The following ZNF532 variants were observed in gnomAD, a reference collection of about 807,000 sequenced individuals.
ZNF532 encodes zinc finger protein 532.
Under a neutral mutation model 89.3 loss-of-function variants are expected in ZNF532, and 22 were observed. The observed-to-expected ratio is 0.25, with a 90% CI of 0.18 to 0.35. ZNF532 has a LOEUF of 0.35. Among genes scored for constraint, ZNF532 ranks in the 10% least tolerant of loss-of-function variants. The pLI is 1.00. For missense variants in ZNF532, 1,132 were observed against 1,643.4 expected (o/e 0.69, Z 5.38); for synonymous variants, 606 against 649.6 (o/e 0.93, Z 1.02).
chr18:58,974,402 G>A (rs1032830122), intron 7 of ZNF532, among the ~76,000 whole-genome samples: 1 of 152,040 alleles, frequency 6.6e-6, no homozygotes, highest in African/African-American at 2.4e-5. Flanking sequence ...GTAGCGGCAC[G>A]GCATCTTGTG....
At chr18:58,888,788 ATATATAT>A (rs1254639385) in intron 2 of ZNF532, among the ~76,000 whole-genome samples, 2,330 of 42,316 alleles carry the variant, frequency 0.055, 220 homozygotes, top group African/African-American at 0.17. Context: ...TATATATAAA[ATATATAT>A]AATTTATATA....
rs754530426 is a variant in ZNF532, at chr18:58,893,821, G to A, written c.-17-24450G>A. Among the ~76,000 whole-genome samples, 43 of 152,118 alleles carry A rather than the reference G, an allele frequency of 2.8e-4. 1 individual carries two copies. The highest frequency in any genetic ancestry group is 5.1e-4 in the Non-Finnish European group (35 of 68,032). The stretch of plus-strand genomic sequence containing the variant: ...TTTAAAGGTTTGCCTTTTGCTTCTC[G>A]TGGGTACAAGCCAGAGAGAGCAGTG... On this transcript the variant is annotated intron_variant, in intron 2 of 9. Transcript: ENST00000591808.
chr18:58,982,789 A>G (rs202125348), intron 9 of ZNF532, among the ~76,000 whole-genome samples: 4 of 152,064 alleles, frequency 2.6e-5, no homozygotes, highest in African/African-American at 7.2e-5. Context: ...TTAAAATGCA[A>G]TACTTCAAGT....
chr18:58,898,792 G>A (rs1034517930), intron 2 of ZNF532, among the ~76,000 whole-genome samples: 3 of 152,234 alleles, frequency 2.0e-5, no homozygotes, highest in Non-Finnish European at 2.9e-5. Context: ...AGCCTGTCCT[G>A]CCTAGACACC....
intron 6 of ZNF532, chr18:58,953,310 A>G (rs570782266): frequency 5.0e-5 from 24 of 481,180 alleles, no homozygotes; most frequent in African/African-American, 2.9e-4. Flanking sequence ...TTTAAAAAGC[A>G]TTTGGAAAGA....
chr18:58,896,165 G>A (rs924437242), intron 2 of ZNF532, among the ~76,000 whole-genome samples: 1 of 152,148 alleles, frequency 6.6e-6, no homozygotes, highest in Non-Finnish European at 1.5e-5. Context: ...TTTCAGTGCA[G>A]TGTAACTTTC....
At chr18:58,898,799 C>T (rs118184433) in intron 2 of ZNF532, among the ~76,000 whole-genome samples, 3,581 of 152,342 alleles carry the variant, frequency 0.024, 58 homozygotes, top group South Asian at 0.045. Flanking sequence ...CCTGCCTAGA[C>T]ACCCACTTTT....
chr18:58,978,480 G>A (rs1000809863), intron 7 of ZNF532, among the ~76,000 whole-genome samples: 2 of 152,108 alleles, frequency 1.3e-5, no homozygotes, highest in African/African-American at 4.8e-5. Context: ...TTTATATAAT[G>A]TTATTTCAAA....
chr18:58,889,043 G>T (rs1602682044), intron 2 of ZNF532, among the ~76,000 whole-genome samples: 2 of 147,448 alleles, frequency 1.4e-5, no homozygotes, highest in East Asian at 4.0e-4. Context: ...TCCAAAATTT[G>T]AAAGTTCCAA....
chr18:58,976,542 A>G (rs562058519), intron 7 of ZNF532, among the ~76,000 whole-genome samples: 1 of 127,254 alleles, frequency 7.9e-6, no homozygotes, highest in South Asian at 2.9e-4. Context: ...GATGACTTTC[A>G]GTTGATTTTT....
At chr18:58,881,037 G>T (rs1349395623) in intron 2 of ZNF532, among the ~76,000 whole-genome samples, 2 of 151,982 alleles carry the variant, frequency 1.3e-5, no homozygotes, top group South Asian at 2.1e-4. Flanking sequence ...TTACACAGTG[G>T]TCTAATTTCA....
chr18:58,907,722 C>T (rs887008206), intron 2 of ZNF532, among the ~76,000 whole-genome samples: 1 of 152,132 alleles, frequency 6.6e-6, no homozygotes, highest in Non-Finnish European at 1.5e-5. Context: ...CAGGTCCTGA[C>T]GTGGTAGATT....
chr18:58,863,220 T>C (rs1389469698), upstream of ZNF532: 2 of 151,932 alleles, frequency 1.3e-5, no homozygotes, highest in South Asian at 2.1e-4. Context: ...CGCAATGTCG[T>C]TGGAAAAAAG....
Position 58,985,551 on chromosome 18 carries a change from A to G in ZNF532, c.*1085A>G, listed in dbSNP as rs868129566. On this transcript the variant is annotated 3_prime_UTR_variant, in exon 10 of 10. Transcript: ENST00000591808. ...TCAATGCAGCCGCCTGTGTATTGCA[A>G]TTGGCCGTTACCTTAAGCACTGAGC... 16 of 152,540 alleles carry G rather than the reference A, an allele frequency of 1.0e-4. No homozygotes were observed. The highest frequency in any genetic ancestry group is 1.5e-4 in the Non-Finnish European group (10 of 68,014). The allele number at this position is 152,540 out of a possible 1,614,324, so 9.4% of individuals were successfully genotyped here.
At chr18:58,963,693 C>T (rs888612471) in intron 7 of ZNF532, among the ~76,000 whole-genome samples, 10 of 151,344 alleles carry the variant, frequency 6.6e-5, no homozygotes, top group Non-Finnish European at 1.3e-4. Context: ...TGCAGTGGCT[C>T]ACGCCTGTAA....
At chr18:58,979,401 T>G (rs1190190916) in intron 8 of ZNF532, 2 of 259,214 alleles carry the variant, frequency 7.7e-6, no homozygotes, top group Non-Finnish European at 1.5e-5. Context: ...TGTTTTTTTT[T>G]TCCCGAGACG....
intron 2 of ZNF532, among the ~76,000 whole-genome samples, chr18:58,871,570 T>C (rs1262397244): frequency 6.6e-6 from 1 of 152,210 alleles, no homozygotes; most frequent in Non-Finnish European, 1.5e-5. Flanking sequence ...GTTGGTGGAC[T>C]GAGGGGTGAG....
intron 3 of ZNF532, among the ~76,000 whole-genome samples, chr18:58,928,771 A>G (rs1361424406): frequency 2.0e-5 from 3 of 152,216 alleles, no homozygotes; most frequent in Non-Finnish European, 2.9e-5. Flanking sequence ...ATTCTGATCT[A>G]TCTGCTTAAT....
intron 7 of ZNF532, among the ~76,000 whole-genome samples, chr18:58,968,684 A>G (rs1568446556): frequency 1.3e-5 from 2 of 152,122 alleles, no homozygotes. Context: ...CGTATCTCTC[A>G]TGCCTTGAAG....
Sources: allele counts gnomAD v4.1 joint callset (sites outside exome capture counted in the v4.1 genomes callset), GRCh38; gene constraint gnomAD v4.1.1; transcripts MANE v1.5; gene names NCBI Gene and HGNC (gene_info 2026-07-23, HGNC 2026-07-21).